VPS13A: variants seen among roughly 807,000 people sequenced by gnomAD.
VPS13A encodes the protein vacuolar protein sorting 13 homolog A.
Under a neutral mutation model 390.9 loss-of-function variants are expected in VPS13A, and 264 were observed. That is an observed-to-expected ratio of 0.68 (90% CI 0.61 to 0.75). VPS13A has a LOEUF of 0.75. VPS13A is among the 30% of genes least tolerant of loss of function. VPS13A has a pLI of 0.00. For missense variants in VPS13A, 3,409 were observed against 3,733.9 expected, an observed-to-expected ratio of 0.91 and a Z score of 2.27; for synonymous variants, 1,231 against 1,227.1, an observed-to-expected ratio of 1.00 and a Z score of -0.07.
At chr9:77,222,365 A>C (rs1823269082) in intron 13 of VPS13A, among the ~76,000 whole-genome samples, 1 of 152,186 alleles carries the variant, frequency 6.6e-6, no homozygotes, top group Non-Finnish European at 1.5e-5. Context: ...TTTGATCATG[A>C]AATTCTCAAA....
chr9:77,348,304 G>A (rs1009011866), intron 52 of VPS13A, among the ~76,000 whole-genome samples: 3 of 152,170 alleles, frequency 2.0e-5, no homozygotes, highest in African/African-American at 7.2e-5. Flanking sequence ...AAAAAGGAAC[G>A]AGATCATTCC....
chr9:77,232,349 T>C (rs1195202030), intron 17 of VPS13A, among the ~76,000 whole-genome samples: 4 of 152,176 alleles, frequency 2.6e-5, no homozygotes, highest in Admixed American at 6.5e-5. Context: ...AGATTGCTTT[T>C]GGTAGTATTG....
At chr9:77,274,146 C>T (rs1281416902) in intron 24 of VPS13A, among the ~76,000 whole-genome samples, 3 of 151,996 alleles carry the variant, frequency 2.0e-5, no homozygotes, top group Non-Finnish European at 1.5e-5. Context: ...ATGACAAGGA[C>T]CAGCCAGGCG....
intron 19 of VPS13A, among the ~76,000 whole-genome samples, chr9:77,245,057 A>G (rs1824728602): frequency 6.6e-6 from 1 of 152,166 alleles, no homozygotes; most frequent in South Asian, 2.1e-4. Flanking sequence ...TTAAAGATGC[A>G]TACTCTTGAT....
intron 13 of VPS13A, among the ~76,000 whole-genome samples, chr9:77,225,474 G>A (rs1015875439): frequency 4.6e-5 from 7 of 152,142 alleles, no homozygotes; most frequent in Non-Finnish European, 1.0e-4. Flanking sequence ...TGGAACTCCT[G>A]AGTTCAAGTG....
chr9:77,228,982 C>T (rs528327636), intron 17 of VPS13A, among the ~76,000 whole-genome samples: 1 of 152,342 alleles, frequency 6.6e-6, no homozygotes, highest in East Asian at 1.9e-4. Flanking sequence ...CCTCCCACAA[C>T]ACGTGGGAAT....
chr9:77,258,759 A>G (rs1329471178), intron 22 of VPS13A, among the ~76,000 whole-genome samples: 6 of 152,132 alleles, frequency 3.9e-5, no homozygotes, highest in Non-Finnish European at 7.4e-5. Flanking sequence ...ATTCTGTGAT[A>G]AAGATTAAAG....
chr9:77,314,448 T>G (rs757200501), intron 36 of VPS13A, 47 bp from the exon 37 acceptor site: 8 of 1,558,830 alleles, frequency 5.1e-6, no homozygotes, highest in Non-Finnish European at 7.0e-6. Flanking sequence ...AAATACACTT[T>G]AGACTTGTGT....
At chr9:77,260,373 T>G (rs1395873018) in intron 23 of VPS13A, 149 bp downstream of exon 23, 2 of 753,530 alleles carry the variant, frequency 2.7e-6, no homozygotes, top group Non-Finnish European at 4.0e-6. Context: ...TTTTTTTTTT[T>G]TGAGATGGAG....
chr9:77,298,374 C>T (rs930302846), intron 33 of VPS13A, among the ~76,000 whole-genome samples: 28 of 152,230 alleles, frequency 1.8e-4, no homozygotes, highest in African/African-American at 5.3e-4. Context: ...AAGAAGAATG[C>T]TGAGGAATAC....
At chr9:77,327,349 A>G (rs1454811655) in intron 45 of VPS13A, among the ~76,000 whole-genome samples, 1 of 152,174 alleles carries the variant, frequency 6.6e-6, no homozygotes, top group Non-Finnish European at 1.5e-5. Context: ...TTATTTTGCC[A>G]TTTAAATAGT....
chr9:77,181,005 A>G (rs528225257), intron 1 of VPS13A, among the ~76,000 whole-genome samples: 1 of 152,242 alleles, frequency 6.6e-6, no homozygotes, highest in African/African-American at 2.4e-5. Context: ...AGCTCTGATC[A>G]TGCCACTGCA....
Position 77,177,608 on chromosome 9 carries a change from A to G in VPS13A, c.-97A>G. 1.7e-6 allele frequency: 2 copies of G among 1,161,120 alleles called. No homozygotes were observed. Among genetic ancestry groups the G allele is most frequent in the Non-Finnish European group, 2.5e-6 (2 of 796,340 alleles). The allele number at this position is 1,161,120 out of a possible 1,614,324, so 71.9% of individuals were successfully genotyped here. A position where few individuals can be genotyped will look rare whatever the true frequency, so the allele number is the denominator to read the frequency against. ...GGCGCCGCAGCTGAAGCCGCCCCGG[A>G]GCCGGTGAACCGAATTACCTCGAGG... On this transcript the variant is annotated 5_prime_UTR_variant, in exon 1 of 72. Coordinates refer to ENST00000360280, the MANE Select transcript of VPS13A (RefSeq NM_033305.3).
At chr9:77,341,745 T>C (rs894941199) in intron 50 of VPS13A, among the ~76,000 whole-genome samples, 3 of 147,326 alleles carry the variant, frequency 2.0e-5, no homozygotes, top group Non-Finnish European at 3.0e-5. Flanking sequence ...TGAACTACTA[T>C]TTAAGTCTTC....
intron 2 of VPS13A, among the ~76,000 whole-genome samples, chr9:77,200,380 C>T (rs916835044): frequency 1.8e-4 from 28 of 151,998 alleles, no homozygotes; most frequent in African/African-American, 6.8e-4. Flanking sequence ...TCCCAGCTGC[C>T]AGGGAGGATG....
At chr9:77,400,596 G>A (rs923919012) in intron 68 of VPS13A, among the ~76,000 whole-genome samples, 3 of 152,022 alleles carry the variant, frequency 2.0e-5, no homozygotes, top group Non-Finnish European at 4.4e-5. Context: ...GGGAGGCAGA[G>A]GCGGGCAGAT....
chr9:77,220,347 A>G lies in VPS13A; in HGVS notation c.953A>G (p.Lys318Arg), dbSNP rs1823130511. ...MAQNLPYRKF[K>R]PDVPLHHHAR... Reference sequence around the variant, plus strand: ...CAAAATCTGCCATATAGGAAGTTCAAACCTGATGTGCCTCTTCACCACCAT... The same window carrying G: ...CAAAATCTGCCATATAGGAAGTTCAGACCTGATGTGCCTCTTCACCACCAT... The change falls in exon 12 of 72, where the codon AAA (lysine) becomes AGA (arginine). Residue 318 changes from lysine (K) to arginine (R), a missense_variant. This residue lies in a region of VPS13A where 2,717 missense variants were observed against 2,917.4 expected (regional missense o/e 0.93). Coordinates refer to ENST00000360280, the MANE Select transcript of VPS13A (RefSeq NM_033305.3). 1 of 1,612,504 alleles carries G rather than the reference A, an allele frequency of 6.2e-7. No homozygotes were observed. The highest frequency in any genetic ancestry group is 1.7e-5 in the Admixed American group (1 of 59,944).
At chr9:77,214,271 A>G in intron 9 of VPS13A, 58 bp from the exon 10 acceptor site, 1 of 1,481,986 alleles carries the variant, frequency 6.7e-7, no homozygotes, top group Non-Finnish European at 9.4e-7. Flanking sequence ...GGGAGACTCC[A>G]TCTCAAAAAA....
chr9:77,417,395 A>G lies in VPS13A; in HGVS notation c.*1389A>G, dbSNP rs576571885. 1 of 152,186 alleles carries G rather than the reference A, an allele frequency of 6.6e-6. No homozygotes were observed. The highest frequency in any genetic ancestry group is 1.5e-5 in the Non-Finnish European group (1 of 68,028). 9.4% of individuals were successfully genotyped at this position (152,186 alleles called of 1,614,324 possible). A position where few individuals can be genotyped will look rare whatever the true frequency, so the allele number is the denominator to read the frequency against. ...GTATTTCTTGCTGACCAAATCTACT[A>G]AATGCTATTGATTTCTCTCTGATTA... On this transcript the variant is annotated 3_prime_UTR_variant, in exon 72 of 72. Coordinates refer to ENST00000360280, the MANE Select transcript of VPS13A (RefSeq NM_033305.3).
Sources: gnomAD v4.1 joint callset for allele counts (sites outside exome capture counted in the v4.1 genomes callset) on GRCh38, gnomAD v4.1.1 for gene constraint, gnomAD v4.1.1 regional missense constraint, MANE v1.5 for transcripts, NCBI Gene and HGNC (gene_info 2026-07-23, HGNC 2026-07-21) for gene names.